Variants in SLC2A13 observed in about 807,000 individuals in gnomAD.
The protein encoded by SLC2A13 is proton myo-inositol cotransporter.
A neutral mutation model predicts 64.4 loss-of-function variants in SLC2A13; 32 were observed. The observed-to-expected ratio is 0.50, with a 90% CI of 0.37 to 0.67. SLC2A13 has a LOEUF of 0.67. SLC2A13 is among the 30% of genes least tolerant of loss of function. SLC2A13 has a pLI of 0.00. For missense variants in SLC2A13, 743 were observed against 829.2 expected, an observed-to-expected ratio of 0.90 and a Z score of 1.28; for synonymous variants, 338 against 327.1, an observed-to-expected ratio of 1.03 and a Z score of -0.36.
At chr12:40,064,449 A>G (rs1948478162) in intron 1 of SLC2A13, among the ~76,000 whole-genome samples, 1 of 152,174 alleles carries the variant, frequency 6.6e-6, no homozygotes, top group Non-Finnish European at 1.5e-5. Flanking sequence ...TGGAGTCATT[A>G]TTTATTGATA....
chr12:39,772,578 T>A (rs933674463), intron 7 of SLC2A13, among the ~76,000 whole-genome samples: 2 of 150,790 alleles, frequency 1.3e-5, no homozygotes, highest in African/African-American at 4.9e-5. Context: ...TTTTGAGTCA[T>A]GAAGATTTAA....
intron 3 of SLC2A13, among the ~76,000 whole-genome samples, chr12:39,994,801 C>G (rs1028011482): frequency 6.6e-6 from 1 of 152,206 alleles, no homozygotes; most frequent in East Asian, 1.9e-4. Flanking sequence ...GTAATGCTAA[C>G]CTCTACAGGT....
At chr12:40,061,147 C>A (rs1948414042) in intron 1 of SLC2A13, among the ~76,000 whole-genome samples, 1 of 151,862 alleles carries the variant, frequency 6.6e-6, no homozygotes, top group Admixed American at 6.6e-5. Flanking sequence ...TATACACACA[C>A]AAGCAAGGCA....
At chr12:40,056,670 TG>T (rs1430120922) in intron 1 of SLC2A13, among the ~76,000 whole-genome samples, 1 of 152,166 alleles carries the variant, frequency 6.6e-6, no homozygotes, top group East Asian at 1.9e-4. Context: ...TGAATACAGA[TG>T]ATAATTGCAT....
intron 4 of SLC2A13, among the ~76,000 whole-genome samples, chr12:39,914,973 CAGGTTAT>C (rs1945499605): frequency 6.6e-6 from 1 of 151,818 alleles, no homozygotes; most frequent in Admixed American, 6.6e-5. Flanking sequence ...ACAAAGTTAA[CAGGTTAT>C]AGACTTAGTT....
chr12:39,842,662 T>C (rs1375370971), intron 6 of SLC2A13, among the ~76,000 whole-genome samples: 1 of 152,076 alleles, frequency 6.6e-6, no homozygotes, highest in African/African-American at 2.4e-5. Flanking sequence ...ATTTTAACAA[T>C]GTTAAAGCTT....
At chr12:40,028,927 A>G (rs1279232340) in intron 2 of SLC2A13, among the ~76,000 whole-genome samples, 1 of 152,234 alleles carries the variant, frequency 6.6e-6, no homozygotes, top group Non-Finnish European at 1.5e-5. Context: ...TTTTCATTAA[A>G]ATAAGTGCCC....
rs1426137894 is a variant in SLC2A13, at chr12:40,034,499, T to A, written c.717-5990A>T. ...TAGCAAATTCTCTAATAATATCCAA[T>A]ACTGTCTTAAACTAAAAAAAGGAAA... On this transcript the variant is annotated intron_variant, in intron 2 of 9. Coordinates refer to ENST00000280871, the MANE Select transcript of SLC2A13 (RefSeq NM_052885.4). Among the ~76,000 whole-genome samples, 6 of 152,140 alleles carry A rather than the reference T, an allele frequency of 3.9e-5. 1 individual carries two copies. Among genetic ancestry groups the A allele is most frequent in the Admixed American group, 3.9e-4 (6 of 15,272 alleles).
intron 6 of SLC2A13, among the ~76,000 whole-genome samples, chr12:39,857,789 C>T (rs1055275430): frequency 6.6e-5 from 10 of 152,110 alleles, no homozygotes; most frequent in African/African-American, 2.2e-4. Context: ...TCGTTATGAC[C>T]CAGTCTTGTT....
intron 1 of SLC2A13, among the ~76,000 whole-genome samples, chr12:40,083,475 C>G (rs1044941182): frequency 2.6e-5 from 4 of 152,176 alleles, no homozygotes; most frequent in African/African-American, 4.8e-5. Flanking sequence ...CCCCAGGGAT[C>G]CCTTTTCTAT....
Position 39,993,009 on chromosome 12 carries a change from A to G in SLC2A13, c.925+35292T>C, listed in dbSNP as rs185648400. On this transcript the variant is annotated intron_variant, in intron 3 of 9. Coordinates refer to ENST00000280871, the MANE Select transcript of SLC2A13 (RefSeq NM_052885.4). The stretch of plus-strand genomic sequence containing the variant: ...TTGACAGATATGAGTACAGTTACAT[A>G]TACATACATATACATGTAATATATT... 7.9e-4 allele frequency among the ~76,000 whole-genome samples: 121 copies of G among 152,314 alleles called. 1 individual carries two copies. The highest frequency in any genetic ancestry group is 2.8e-3 in the African/African-American group (117 of 41,578).
At position 40,072,487 on chromosome 12, in the gene SLC2A13, T is replaced by C. The variant is rs17518294; in HGVS notation, c.557-24277A>G. ...CTGGCCATTTCTGATAGAAGGGTAATGAAGTCTCCAACTATAATAGTGATT... is the reference window on the plus strand; with the variant it reads ...CTGGCCATTTCTGATAGAAGGGTAACGAAGTCTCCAACTATAATAGTGATT... On this transcript the variant is annotated intron_variant, in intron 1 of 9. Transcript: ENST00000280871. Among the ~76,000 whole-genome samples, 1,153 of 152,244 alleles carry C rather than the reference T, an allele frequency of 7.6e-3. 13 individuals are homozygous for C. The highest frequency in any genetic ancestry group is 0.026 in the African/African-American group (1,090 of 41,564).
At chr12:39,984,111 T>C (rs1946979137) in intron 3 of SLC2A13, among the ~76,000 whole-genome samples, 2 of 149,040 alleles carry the variant, frequency 1.3e-5, no homozygotes, top group South Asian at 2.1e-4. Context: ...TTCTCACTCA[T>C]AGGTGGGAAC....
At chr12:39,949,241 T>C (rs1391916709) in intron 4 of SLC2A13, among the ~76,000 whole-genome samples, 1 of 152,228 alleles carries the variant, frequency 6.6e-6, no homozygotes, top group East Asian at 1.9e-4. Flanking sequence ...CCTCTAGACA[T>C]GAACATATTA....
At chr12:39,924,058 C>G (rs558012207) in intron 4 of SLC2A13, among the ~76,000 whole-genome samples, 2 of 151,846 alleles carry the variant, frequency 1.3e-5, no homozygotes, top group Admixed American at 1.3e-4. Context: ...ACAGTTAAAA[C>G]GAAATAAAAT....
chr12:40,022,997 T>C (rs773123990), intron 3 of SLC2A13, among the ~76,000 whole-genome samples: 1 of 152,200 alleles, frequency 6.6e-6, no homozygotes, highest in Non-Finnish European at 1.5e-5. Flanking sequence ...GGCTGCTCTT[T>C]ACTGCCCTAA....
At chr12:39,856,637 G>A (rs941306336) in intron 6 of SLC2A13, among the ~76,000 whole-genome samples, 1 of 152,170 alleles carries the variant, frequency 6.6e-6, no homozygotes, top group Non-Finnish European at 1.5e-5. Flanking sequence ...AAAGTGCTGG[G>A]ATTACAGGCA....
intron 1 of SLC2A13, among the ~76,000 whole-genome samples, chr12:40,064,079 T>C (rs1434277590): frequency 6.6e-6 from 1 of 151,962 alleles, no homozygotes; most frequent in Non-Finnish European, 1.5e-5. Context: ...CCTGTCTGTA[T>C]AAAACATTTT....
At chr12:39,942,633 A>G (rs1312996137) in intron 4 of SLC2A13, among the ~76,000 whole-genome samples, 3 of 152,098 alleles carry the variant, frequency 2.0e-5, no homozygotes, top group South Asian at 2.1e-4. Flanking sequence ...TCCTCTGGTT[A>G]TTCTCGTTAG....
Sources: gnomAD v4.1 joint callset for allele counts (sites outside exome capture counted in the v4.1 genomes callset) on GRCh38, gnomAD v4.1.1 for gene constraint, MANE v1.5 for transcripts, NCBI Gene and HGNC (gene_info 2026-07-23, HGNC 2026-07-21) for gene names.